Variants in CCN4 observed in about 807,000 individuals in gnomAD.
CCN4 encodes cellular communication network factor 4.
CCN4 carries 30 observed loss-of-function variants against 36.7 expected under a neutral mutation model. That is an observed-to-expected ratio of 0.82 (90% CI 0.61 to 1.11). The LOEUF (loss-of-function observed/expected upper bound fraction) is 1.11. Among genes scored for constraint, CCN4 ranks in the 50% least tolerant of loss-of-function variants. The pLI, the probability that CCN4 is intolerant of heterozygous loss-of-function variation, is 0.00. For missense variants in CCN4, 505 were observed against 504.9 expected, an observed-to-expected ratio of 1.00 and a Z score of 0.00; for synonymous variants, 191 against 195.4, an observed-to-expected ratio of 0.98 and a Z score of 0.19.
chr8:133,213,058 G>C lies in CCN4; in HGVS notation c.264G>C (p.Thr88=). Residue 88 remains threonine (T), a synonymous_variant, in exon 2 of 5, where the codon ACG becomes ACC. Transcript: ENST00000250160. ...MCAQQLGDNC[T]EAAICDPHRG... ...CTCAGCAGCTTGGGGACAACTGCACGGAGGCTGCCATCTGTGACCCCCACC... is the reference window on the plus strand; with the variant it reads ...CTCAGCAGCTTGGGGACAACTGCACCGAGGCTGCCATCTGTGACCCCCACC... The C allele has an allele frequency of 6.2e-7, 1 of 1,614,116 alleles. No individual in the cohort carries two copies. Among genetic ancestry groups the C allele is most frequent in the Non-Finnish European group, 8.5e-7 (1 of 1,179,974 alleles).
At position 133,220,581 on chromosome 8, in the gene CCN4, A is replaced by G; in HGVS notation, c.350A>G (p.Gln117Arg). Reference protein sequence around the residue: ...RPRYAIGVCAQVVGVGCVLDG... With the variant: ...RPRYAIGVCARVVGVGCVLDG... ...CCTGACCGGCCACCTGTGTTTGCAG[A>G]GGTGGTCGGTGTGGGCTGCGTCCTG... The change falls in exon 3 of 5, where the codon CAG becomes CGG. Residue 117 changes from glutamine (Q) to arginine (R), a missense_variant and splice_region_variant. Physicochemically the swap from Gln to Arg is conservative, Grantham distance 43. Coordinates refer to ENST00000250160, the MANE Select transcript of CCN4 (RefSeq NM_003882.4). 1 of 1,611,072 alleles carries G rather than the reference A, an allele frequency of 6.2e-7. No individual in the cohort carries two copies.
intron 1 of CCN4, among the ~76,000 whole-genome samples, chr8:133,211,858 C>T (rs1854052614): frequency 6.6e-6 from 1 of 152,194 alleles, no homozygotes; most frequent in South Asian, 2.1e-4. Context: ...CTTGCAGGCC[C>T]AGGTCTCTTT....
At chr8:133,212,028 G>C (rs545475407) in intron 1 of CCN4, among the ~76,000 whole-genome samples, 2 of 152,174 alleles carry the variant, frequency 1.3e-5, no homozygotes, top group African/African-American at 4.8e-5. Context: ...TTAGGGCCTT[G>C]GTTTCCCTTC....
At chr8:133,202,939 G>A (rs547479116) in intron 1 of CCN4, among the ~76,000 whole-genome samples, 1 of 152,356 alleles carries the variant, frequency 6.6e-6, no homozygotes, top group South Asian at 2.1e-4. Flanking sequence ...GGCCAGGCCT[G>A]TATTCTCTCA....
At chr8:133,207,276 G>A (rs1041660682) in intron 1 of CCN4, among the ~76,000 whole-genome samples, 7 of 152,358 alleles carry the variant, frequency 4.6e-5, no homozygotes, top group African/African-American at 1.7e-4. Context: ...GGCAGCTTAG[G>A]CTGGACTTCA....
chr8:133,218,349 CA>C (rs1046208955), intron 2 of CCN4, among the ~76,000 whole-genome samples: 1 of 151,728 alleles, frequency 6.6e-6, no homozygotes, highest in Non-Finnish European at 1.5e-5. Flanking sequence ...AACCGCACCC[CA>C]AAAAAAACAA....
intron 1 of CCN4, among the ~76,000 whole-genome samples, chr8:133,199,502 C>T (rs1265557882): frequency 6.6e-6 from 1 of 152,100 alleles, no homozygotes; most frequent in Non-Finnish European, 1.5e-5. Flanking sequence ...GGGTGTGGAG[C>T]ATGTGTCGAG....
intron 1 of CCN4, among the ~76,000 whole-genome samples, chr8:133,210,384 G>GA (rs1853965066): frequency 7.6e-6 from 1 of 131,062 alleles, no homozygotes; most frequent in African/African-American, 3.4e-5. Flanking sequence ...GTCAAAAAGA[G>GA]GGGTGTGTGT....
At position 133,208,728 on chromosome 8, in the gene CCN4, G is replaced by A. The variant is rs905602597; in HGVS notation, c.70-4136G>A. Among the ~76,000 whole-genome samples, 43 of 151,808 alleles carry A rather than the reference G, an allele frequency of 2.8e-4. 1 individual carries two copies. The highest frequency in any genetic ancestry group is 8.5e-4 in the African/African-American group (35 of 41,284). ...TATTCCCACCCCCTCTTCAAAACCCGTTCCCAGTGCCTCCTGTCTTGGGAA... is the reference window on the plus strand; with the variant it reads ...TATTCCCACCCCCTCTTCAAAACCCATTCCCAGTGCCTCCTGTCTTGGGAA... On this transcript the variant is annotated intron_variant, in intron 1 of 4. Coordinates refer to ENST00000250160, the MANE Select transcript of CCN4 (RefSeq NM_003882.4).
chr8:133,218,193 T>C (rs578017779), intron 2 of CCN4, among the ~76,000 whole-genome samples: 1 of 152,162 alleles, frequency 6.6e-6, no homozygotes, highest in Non-Finnish European at 1.5e-5. Flanking sequence ...CTCTGAGAGC[T>C]TTCCTGTCCA....
chr8:133,208,004 T>C (rs948313425), intron 1 of CCN4, among the ~76,000 whole-genome samples: 7 of 152,012 alleles, frequency 4.6e-5, no homozygotes, highest in African/African-American at 1.2e-4. Flanking sequence ...GTTTTTTTTT[T>C]TTTTCATCAG....
Position 133,223,002 on chromosome 8 carries a change from G to A in CCN4, c.610+2161G>A, listed in dbSNP as rs561965437. Among the ~76,000 whole-genome samples the A allele has an allele frequency of 3.3e-5, 5 of 152,100 alleles. No homozygotes were observed. The South Asian group carries it at 1.0e-3, about 32-fold the overall frequency. ...AATCCCTGGCCTCTACCCACTAGAT[G>A]CCAGAAGCGCCCGCTCCCTCAGAGA... On this transcript the variant is annotated intron_variant, in intron 3 of 4. Transcript: ENST00000250160.
chr8:133,211,070 G>A (rs1330794350), intron 1 of CCN4, among the ~76,000 whole-genome samples: 1 of 152,198 alleles, frequency 6.6e-6, no homozygotes, highest in Middle Eastern at 3.2e-3. Flanking sequence ...TGTGCGCCAG[G>A]TTCAGAGCCT....
rs751703959 is a variant in CCN4 at position 133,191,086 on chromosome 8, G to T, written c.-59G>T. On this transcript the variant is annotated 5_prime_UTR_variant, in exon 1 of 5. Transcript: ENST00000250160. ...CGGCCAGTCTGGGCCCAGCTCCCCC[G>T]AGAGGTGGTCGGATCCTCTGGGCTG... The T allele has an allele frequency of 2.5e-6, 4 of 1,588,086 alleles. 1 individual carries two copies. The highest frequency in any genetic ancestry group is 1.1e-5 in the South Asian group (1 of 90,070).
In CCN4 at chr8:133,212,859, C is replaced by T. The variant is rs779719054; in HGVS notation, c.70-5C>T. On this transcript the variant is annotated splice_region_variant and splice_polypyrimidine_tract_variant and intron_variant, in intron 1 of 4. Coordinates refer to ENST00000250160, the MANE Select transcript of CCN4 (RefSeq NM_003882.4). ...CCCCCCTTTCCCTCTGCCCTCCCCC[C>T]GCAGGCCCTCTCTCCAGCCCCTACG... The T allele has an allele frequency of 1.3e-5, 21 of 1,568,214 alleles. No individual in the cohort carries two copies. The highest frequency in any genetic ancestry group is 1.8e-5 in the Non-Finnish European group (21 of 1,149,530).
chr8:133,202,914 G>T (rs1241012633), intron 1 of CCN4, among the ~76,000 whole-genome samples: 1 of 152,244 alleles, frequency 6.6e-6, no homozygotes, highest in Non-Finnish European at 1.5e-5. Flanking sequence ...CAAGCGTGGG[G>T]AAGACATGGG....
In CCN4 at chr8:133,214,363, AGG is replaced by A. The variant is rs1467716268; in HGVS notation, c.349+1221_349+1222del. ...CATCAGTACTTATAATATTATGACCAGGTAAATATTGTTCACTGCAGTATGAG... is the reference window on the plus strand; with the variant it reads ...CATCAGTACTTATAATATTATGACCATAAATATTGTTCACTGCAGTATGAG... On this transcript the variant is annotated intron_variant, in intron 2 of 4. Coordinates refer to ENST00000250160, the MANE Select transcript of CCN4 (RefSeq NM_003882.4). 2.0e-5 allele frequency among the ~76,000 whole-genome samples: 3 copies of A among 151,734 alleles called. 1 individual carries two copies. Among genetic ancestry groups the A allele is most frequent in the Non-Finnish European group, 4.4e-5 (3 of 67,958 alleles).
intron 1 of CCN4, among the ~76,000 whole-genome samples, chr8:133,193,406 A>G (rs1316365161): frequency 6.6e-6 from 1 of 152,184 alleles, no homozygotes; most frequent in Non-Finnish European, 1.5e-5. Context: ...TCAGCCAAGG[A>G]GGAAGGCACT....
At chr8:133,225,626 A>G in intron 4 of CCN4, 43 bp downstream of exon 4, 1 of 1,485,644 alleles carries the variant, frequency 6.7e-7, no homozygotes, top group South Asian at 1.4e-5. Flanking sequence ...TCACAAGCAG[A>G]CAAATATGGG....
Sources: gnomAD v4.1 joint callset for allele counts (sites outside exome capture counted in the v4.1 genomes callset) on GRCh38, gnomAD v4.1.1 for gene constraint, MANE v1.5 for transcripts, NCBI Gene and HGNC (gene_info 2026-07-23, HGNC 2026-07-21) for gene names.